Variants in SUSD1 observed in about 807,000 individuals in gnomAD.
The protein encoded by SUSD1 is sushi domain containing 1.
Under a neutral mutation model 86.9 loss-of-function variants are expected in SUSD1, and 65 were observed. The ratio of observed to expected loss-of-function variants is 0.75; its 90% CI spans 0.61 to 0.92. SUSD1 has a LOEUF of 0.92. SUSD1 is among the 40% of genes least tolerant of loss of function. The pLI, the probability that SUSD1 is intolerant of heterozygous loss-of-function variation, is 0.00. For synonymous variants in SUSD1, 346 were observed against 350.0 expected (o/e 0.99, Z 0.13); for missense variants, 850 against 929.7 (o/e 0.91, Z 1.11).
At chr9:112,137,391 CTAAAT>C (rs1463260264) in intron 5 of SUSD1, among the ~76,000 whole-genome samples, 89 of 152,148 alleles carry the variant, frequency 5.8e-4, no homozygotes, top group Non-Finnish European at 1.0e-4. Flanking sequence ...GCACTCTCCT[CTAAAT>C]TAATTTTCTA....
intron 15 of SUSD1, among the ~76,000 whole-genome samples, chr9:112,042,639 G>C (rs1827792458): frequency 6.6e-6 from 1 of 152,170 alleles, no homozygotes; most frequent in African/African-American, 2.4e-5. Flanking sequence ...TTCTAGATTA[G>C]AGCAAAAATT....
intron 13 of SUSD1, among the ~76,000 whole-genome samples, chr9:112,060,765 A>C (rs2118980131): frequency 6.6e-6 from 1 of 152,366 alleles, no homozygotes; most frequent in South Asian, 2.1e-4. Context: ...GGGAGACTTG[A>C]AGACATCCCT....
chr9:112,131,812 C>T (rs890499733), intron 5 of SUSD1, among the ~76,000 whole-genome samples: 4 of 152,286 alleles, frequency 2.6e-5, no homozygotes, highest in Non-Finnish European at 5.9e-5. Context: ...TAAGTAACAA[C>T]GTTTGCATCT....
chr9:112,112,652 A>T, intron 7 of SUSD1, 119 bp downstream of exon 7: 1 of 678,178 alleles, frequency 1.5e-6, no homozygotes, highest in Non-Finnish European at 2.5e-6. Context: ...AATAAAAGAA[A>T]AAAAGAAAAA....
At chr9:112,047,379 G>A (rs1444785202) in intron 15 of SUSD1, among the ~76,000 whole-genome samples, 1 of 152,142 alleles carries the variant, frequency 6.6e-6, no homozygotes, top group Admixed American at 6.5e-5. Context: ...AGATTTGGGT[G>A]GGTACATAGA....
intron 5 of SUSD1, among the ~76,000 whole-genome samples, chr9:112,133,927 A>T (rs1261149638): frequency 1.3e-5 from 2 of 152,268 alleles, no homozygotes; most frequent in Non-Finnish European, 2.9e-5. Flanking sequence ...GACATGTCTC[A>T]AAAGAAGACA....
intron 8 of SUSD1, among the ~76,000 whole-genome samples, chr9:112,110,067 G>A (rs1202362593): frequency 7.9e-5 from 12 of 152,026 alleles, no homozygotes; most frequent in Non-Finnish European, 1.6e-4. Context: ...AAATGACATC[G>A]GCCAGCTGTG....
intron 12 of SUSD1, among the ~76,000 whole-genome samples, chr9:112,064,514 T>C (rs9695214): frequency 0.35 from 52,992 of 151,982 alleles, 11,980 homozygotes; most frequent in African/African-American, 0.64. Flanking sequence ...GACCACTGCA[T>C]TATAGCTTCC....
intron 1 of SUSD1, among the ~76,000 whole-genome samples, chr9:112,170,414 C>G (rs990348762): frequency 2.0e-5 from 3 of 152,020 alleles, no homozygotes; most frequent in Admixed American, 6.6e-5. Flanking sequence ...ACTCTAGCAA[C>G]GAATGCCAGA....
intron 7 of SUSD1, chr9:112,112,046 T>G: frequency 2.0e-6 from 1 of 498,684 alleles, no homozygotes; most frequent in Non-Finnish European, 3.5e-6. Context: ...ATGAGAAATC[T>G]CCCTAGGAAG....
intron 2 of SUSD1, among the ~76,000 whole-genome samples, chr9:112,153,398 T>C (rs1451330636): frequency 1.3e-5 from 2 of 152,188 alleles, no homozygotes; most frequent in Non-Finnish European, 2.9e-5. Flanking sequence ...TGGAAGGTTG[T>C]CAAGGGCAAG....
Position 112,142,447 on chromosome 9 carries a change from AT to A in SUSD1, c.578del (p.Asn193IlefsTer59). 2 of 1,614,054 alleles carry A rather than the reference AT, an allele frequency of 1.2e-6. No individual in the cohort carries two copies. The highest frequency in any genetic ancestry group is 1.7e-6 in the Non-Finnish European group (2 of 1,180,002). On this transcript the variant is annotated frameshift_variant, in exon 5 of 17. Transcript: ENST00000374270. LOFTEE classifies it high-confidence loss of function. ...PEVPDGYIIGNYTSSLGSQVR... is the reference protein window; with the variant it reads ...PEVPDGYIIGXYTSSLGSQVR... ...CCTGGCTGCCCAGACTAGACGTATA[AT>A]TTCCTATGATATAGCCATCTGGAAC...
At chr9:112,167,113 A>T (rs977148067) in intron 1 of SUSD1, among the ~76,000 whole-genome samples, 6 of 149,912 alleles carry the variant, frequency 4.0e-5, no homozygotes, top group Non-Finnish European at 5.9e-5. Flanking sequence ...CAGTTCTCCA[A>T]TTTTTTTTTG....
At chr9:112,079,088 A>C (rs1829654940) in intron 11 of SUSD1, among the ~76,000 whole-genome samples, 1 of 152,096 alleles carries the variant, frequency 6.6e-6, no homozygotes, top group South Asian at 2.1e-4. Context: ...CTGAGATCAC[A>C]GGCGTGAGCC....
At chr9:112,084,063 G>C (rs553426043) in intron 10 of SUSD1, among the ~76,000 whole-genome samples, 28 of 152,224 alleles carry the variant, frequency 1.8e-4, no homozygotes, top group African/African-American at 6.5e-4. Context: ...ATGCATAGAT[G>C]GACAATGACA....
At chr9:112,165,462 A>G (rs1302019257) in intron 1 of SUSD1, among the ~76,000 whole-genome samples, 1 of 136,774 alleles carries the variant, frequency 7.3e-6, no homozygotes, top group Non-Finnish European at 1.5e-5. Flanking sequence ...CAGGCTGGAG[A>G]GCATTGGCAC....
chr9:112,111,283 C>T (rs1191059287), intron 8 of SUSD1, among the ~76,000 whole-genome samples: 1 of 152,174 alleles, frequency 6.6e-6, no homozygotes, highest in Non-Finnish European at 1.5e-5. Context: ...CGTGAGCCAC[C>T]ACACCTGGCC....
intron 6 of SUSD1, among the ~76,000 whole-genome samples, chr9:112,114,099 T>A (rs936594537): frequency 6.6e-6 from 1 of 152,086 alleles, no homozygotes; most frequent in Non-Finnish European, 1.5e-5. Flanking sequence ...GGATACAAGG[T>A]CAATGTACAA....
intron 1 of SUSD1, among the ~76,000 whole-genome samples, chr9:112,168,119 T>C (rs1293832445): frequency 2.0e-5 from 3 of 152,212 alleles, no homozygotes; most frequent in East Asian, 1.9e-4. Context: ...ACCATATCAA[T>C]GAGTTAATAC....
Sources: gnomAD v4.1 joint callset for allele counts (sites outside exome capture counted in the v4.1 genomes callset) on GRCh38, gnomAD v4.1.1 for gene constraint, MANE v1.5 for transcripts, NCBI Gene and HGNC (gene_info 2026-07-23, HGNC 2026-07-21) for gene names.